TPTE2: variants seen among roughly 807,000 people sequenced by gnomAD.
The protein encoded by TPTE2 is transmembrane phosphoinositide 3-phosphatase and tensin homolog 2, also known as phosphatidylinositol 3,4,5-trisphosphate 3-phosphatase TPTE2.
Under a neutral mutation model 78.6 loss-of-function variants are expected in TPTE2, and 53 were observed. The observed-to-expected ratio is 0.67, with a 90% CI of 0.54 to 0.85. TPTE2 has a LOEUF of 0.85. TPTE2 is among the 40% of genes least tolerant of loss of function. The pLI, the probability that TPTE2 is intolerant of heterozygous loss-of-function variation, is 0.00. For synonymous variants in TPTE2, 175 were observed against 206.2 expected (o/e 0.85, Z 1.30); for missense variants, 461 against 623.0 (o/e 0.74, Z 2.77).
rs565069440 is a variant in TPTE2 at position 19,464,572 on chromosome 13, C to T, written c.677-52G>A. 18 of 1,559,442 alleles carry T rather than the reference C, an allele frequency of 1.2e-5. No individual in the cohort carries two copies. In the Admixed American group the frequency reaches 2.1e-4, roughly 19 times the overall value. ...AAACATTATTATAGATTTCATATAA[C>T]ACAAAAAAAATTAATTTATACATGA... On this transcript the variant is annotated intron_variant, in intron 9 of 19. Transcript: ENST00000400230.
At chr13:19,477,675 C>T (rs1156819263) in intron 4 of TPTE2, among the ~76,000 whole-genome samples, 1 of 152,196 alleles carries the variant, frequency 6.6e-6, no homozygotes, top group Non-Finnish European at 1.5e-5. Flanking sequence ...CCAAGTCTGA[C>T]AGATTATGAA....
chr13:19,498,674 G>A (rs1214989665), intron 1 of TPTE2, among the ~76,000 whole-genome samples: 1 of 151,792 alleles, frequency 6.6e-6, no homozygotes, highest in African/African-American at 2.4e-5. Flanking sequence ...GGAACAACCG[G>A]TACCAGCCAC....
chr13:19,471,452 T>C (rs1178081234), intron 6 of TPTE2, among the ~76,000 whole-genome samples: 1 of 152,208 alleles, frequency 6.6e-6, no homozygotes, highest in African/African-American at 2.4e-5. Context: ...GTTATGTTTT[T>C]TGGTTTGAGG....
intron 4 of TPTE2, among the ~76,000 whole-genome samples, chr13:19,479,906 T>G (rs1358837668): frequency 2.0e-5 from 3 of 149,526 alleles, no homozygotes; most frequent in African/African-American, 7.4e-5. Flanking sequence ...AAGGTTGCAG[T>G]GAGCTGAGTG....
upstream of TPTE2, among the ~76,000 whole-genome samples, chr13:19,506,388 T>A (rs1869044014): frequency 6.6e-6 from 1 of 151,622 alleles, no homozygotes; most frequent in South Asian, 2.1e-4. Flanking sequence ...TTAGCCGGGA[T>A]GGTCTCGATC....
chr13:19,505,677 A>T (rs1868966376), upstream of TPTE2: 1 of 152,042 alleles, frequency 6.6e-6, no homozygotes, highest in Non-Finnish European at 1.5e-5. Flanking sequence ...AGAACTCTAG[A>T]GGGTGAGGAA....
intron 1 of TPTE2, among the ~76,000 whole-genome samples, chr13:19,522,448 G>A (rs1323185079): frequency 6.6e-6 from 1 of 152,102 alleles, no homozygotes; most frequent in African/African-American, 2.4e-5. Context: ...GCTGTCAAAA[G>A]CTGCAAAAGT....
the TPTE2 span, among the ~76,000 whole-genome samples, chr13:19,555,403 CCAACTA>C: frequency 2.6e-5 from 4 of 152,248 alleles, no homozygotes; most frequent in Admixed American, 1.3e-4. Context: ...TTACTGAATG[CCAACTA>C]CATTTCCAGC....
chr13:19,436,664 C>G (rs550633467), intron 14 of TPTE2, among the ~76,000 whole-genome samples: 1 of 152,302 alleles, frequency 6.6e-6, no homozygotes, highest in East Asian at 1.9e-4. Context: ...ATCCACCTGC[C>G]TCAGCCTCCC....
At chr13:19,461,591 G>A (rs912743735) in intron 10 of TPTE2, among the ~76,000 whole-genome samples, 1 of 152,134 alleles carries the variant, frequency 6.6e-6, no homozygotes, top group Non-Finnish European at 1.5e-5. Flanking sequence ...GGTGGTAAGA[G>A]TGGGGTGTTA....
chr13:19,494,465 C>T (rs185289015), intron 1 of TPTE2, among the ~76,000 whole-genome samples: 3 of 152,024 alleles, frequency 2.0e-5, no homozygotes, highest in African/African-American at 2.4e-5. Flanking sequence ...TGGAATGCAG[C>T]GGCATGTTCT....
At chr13:19,475,269 A>C (rs974983148) in intron 5 of TPTE2, among the ~76,000 whole-genome samples, 8 of 151,910 alleles carry the variant, frequency 5.3e-5, no homozygotes, top group African/African-American at 1.9e-4. Flanking sequence ...TGTGTCGCCA[A>C]GGCTGCAGTG....
intron 1 of TPTE2, among the ~76,000 whole-genome samples, chr13:19,526,116 A>C (rs1226344621): frequency 6.6e-6 from 1 of 152,190 alleles, no homozygotes; most frequent in Middle Eastern, 3.2e-3. Flanking sequence ...GCCATTATGG[A>C]AAGCAGTTTG....
intron 7 of TPTE2, 117 bp downstream of exon 10, chr13:19,467,108 A>C (rs867564228): frequency 4.0e-5 from 51 of 1,264,276 alleles, no homozygotes; most frequent in Middle Eastern, 2.9e-4. Flanking sequence ...ATTTTAAAGC[A>C]ATGTATTTGG....
chr13:19,442,689 G>A (rs535391307), intron 13 of TPTE2, among the ~76,000 whole-genome samples: 20 of 152,034 alleles, frequency 1.3e-4, no homozygotes, highest in African/African-American at 4.1e-4. Flanking sequence ...GAAAAAAGGG[G>A]AGAAGGCACC....
intron 1 of TPTE2, among the ~76,000 whole-genome samples, chr13:19,500,348 A>G (rs1226076585): frequency 1.3e-5 from 2 of 151,788 alleles, no homozygotes; most frequent in East Asian, 3.9e-4. Flanking sequence ...ACACAACAAA[A>G]AAAGAGAATT....
chr13:19,552,964 A>G, the TPTE2 span, among the ~76,000 whole-genome samples: 4 of 150,074 alleles, frequency 2.7e-5, no homozygotes, highest in Non-Finnish European at 4.4e-5. Context: ...GGAAAGAAAA[A>G]AATAAATTTT....
At chr13:19,442,713 C>T (rs61956972) in intron 13 of TPTE2, among the ~76,000 whole-genome samples, 14,476 of 151,840 alleles carry the variant, frequency 0.095, 753 homozygotes, top group Middle Eastern at 0.2. Context: ...AAAGCAATGT[C>T]GGGAATAAAA....
chr13:19,498,551 C>T (rs1478646742), intron 1 of TPTE2, among the ~76,000 whole-genome samples: 12 of 151,662 alleles, frequency 7.9e-5, no homozygotes, highest in Non-Finnish European at 1.6e-4. Context: ...CCAAACTAAG[C>T]TTCATAAGCG....
Sources: gnomAD v4.1 joint callset for allele counts (sites outside exome capture counted in the v4.1 genomes callset) on GRCh38, gnomAD v4.1.1 for gene constraint, MANE v1.5 for transcripts, NCBI Gene and HGNC (gene_info 2026-07-23, HGNC 2026-07-21) for gene names.